BCL2: variants seen among roughly 807,000 people sequenced by gnomAD.
BCL2 encodes the protein BCL2 apoptosis regulator, also known as apoptosis regulator Bcl-2.
BCL2 carries 1 observed loss-of-function variant against 14.2 expected under a neutral mutation model. That is an observed-to-expected ratio of 0.07 (90% CI 0.02 to 0.33). BCL2 has a LOEUF of 0.33. Ranked by LOEUF, BCL2 falls within the 10% of genes least tolerant of loss-of-function variation. The pLI is 0.99. For missense variants in BCL2, 247 were observed against 305.9 expected, an observed-to-expected ratio of 0.81 and a Z score of 1.44; for synonymous variants, 151 against 137.2, an observed-to-expected ratio of 1.10 and a Z score of -0.70.
At chr18:63,255,858 AC>A (rs1344864887) in intron 2 of BCL2, among the ~76,000 whole-genome samples, 1 of 150,884 alleles carries the variant, frequency 6.6e-6, no homozygotes, top group East Asian at 1.9e-4. Context: ...AACATTTCTT[AC>A]CAAAAAAAAA....
chr18:63,142,977 C>G (rs1444845530), intron 2 of BCL2, among the ~76,000 whole-genome samples: 1 of 152,206 alleles, frequency 6.6e-6, no homozygotes, highest in African/African-American at 2.4e-5. Flanking sequence ...AAAATGCAGT[C>G]TCTGTCAGTG....
chr18:63,276,407 T>C (rs1268686165), intron 2 of BCL2, among the ~76,000 whole-genome samples: 1 of 152,308 alleles, frequency 6.6e-6, no homozygotes, highest in East Asian at 1.9e-4. Context: ...TTGGGAGTCA[T>C]TAGTGGCATT....
intron 2 of BCL2, among the ~76,000 whole-genome samples, chr18:63,302,085 A>C (rs1948988643): frequency 6.6e-6 from 1 of 151,904 alleles, no homozygotes; most frequent in African/African-American, 2.4e-5. Flanking sequence ...GCACTTTGGG[A>C]GGGAGGCCGA....
chr18:63,256,444 C>T (rs117894262), intron 2 of BCL2, among the ~76,000 whole-genome samples: 2,850 of 152,242 alleles, frequency 0.019, 39 homozygotes, highest in Non-Finnish European at 0.029. Context: ...CTTGAACTTC[C>T]GACCTCGAGT....
At chr18:63,244,311 G>C (rs141390096) in intron 2 of BCL2, among the ~76,000 whole-genome samples, 3,594 of 152,262 alleles carry the variant, frequency 0.024, 60 homozygotes, top group Non-Finnish European at 0.037. Context: ...CTGGGAGGCG[G>C]AGGTTGCAGT....
chr18:63,260,502 C>T (rs1222229283), intron 2 of BCL2, among the ~76,000 whole-genome samples: 1 of 152,228 alleles, frequency 6.6e-6, no homozygotes, highest in Non-Finnish European at 1.5e-5. Context: ...GCTGCCCTGT[C>T]CATGAGCCAG....
At chr18:63,293,997 T>C (rs1323960001) in intron 2 of BCL2, among the ~76,000 whole-genome samples, 1 of 151,946 alleles carries the variant, frequency 6.6e-6, no homozygotes, top group African/African-American at 2.4e-5. Flanking sequence ...CCTTTCCATG[T>C]GATGCACTAT....
intron 2 of BCL2, among the ~76,000 whole-genome samples, chr18:63,179,921 T>C (rs573304810): frequency 6.6e-5 from 10 of 152,228 alleles, no homozygotes; most frequent in Non-Finnish European, 1.3e-4. Context: ...ATTCTCTGAT[T>C]GATCATTCAT....
chr18:63,289,997 A>C (rs370792527), intron 2 of BCL2, among the ~76,000 whole-genome samples: 1 of 152,276 alleles, frequency 6.6e-6, no homozygotes, highest in South Asian at 2.1e-4. Context: ...CCCCTAGGGA[A>C]GAGTTAAGAA....
chr18:63,234,944 G>C (rs974615058), intron 2 of BCL2, among the ~76,000 whole-genome samples: 6 of 152,140 alleles, frequency 3.9e-5, no homozygotes, highest in African/African-American at 1.4e-4. Flanking sequence ...ATGGACAAGG[G>C]AGTGGTGTCA....
chr18:63,269,353 T>C (rs543645409), intron 2 of BCL2, among the ~76,000 whole-genome samples: 1 of 152,168 alleles, frequency 6.6e-6, no homozygotes, highest in African/African-American at 2.4e-5. Flanking sequence ...TTCCCACTTG[T>C]AGAGATTCAT....
At chr18:63,155,542 G>A (rs1481337863) in intron 2 of BCL2, among the ~76,000 whole-genome samples, 2 of 146,842 alleles carry the variant, frequency 1.4e-5, no homozygotes, top group Non-Finnish European at 2.9e-5. Flanking sequence ...CAGGGTGGGC[G>A]CGGTAAAGAG....
At position 63,291,091 on chromosome 18, in the gene BCL2, ACAGCCAAC is replaced by A. The variant is rs538083112; in HGVS notation, c.585+26983_585+26990del. 1.9e-3 allele frequency among the ~76,000 whole-genome samples: 282 copies of A among 152,332 alleles called. 1 individual carries two copies. Among genetic ancestry groups the A allele is most frequent in the African/African-American group, 6.5e-3 (270 of 41,560 alleles). On this transcript the variant is annotated intron_variant, in intron 2 of 2. Coordinates refer to ENST00000333681, the MANE Select transcript of BCL2 (RefSeq NM_000633.3). ...GCTGTTTTCCACGAATAGAAAGAAC[ACAGCCAAC>A]CCAACTGGCTCTTTGAAGGTACGCC...
At chr18:63,297,451 C>G (rs1208848673) in intron 2 of BCL2, among the ~76,000 whole-genome samples, 2 of 152,026 alleles carry the variant, frequency 1.3e-5, no homozygotes, top group East Asian at 3.9e-4. Context: ...TCAGATTGGC[C>G]ACATTACGTG....
intron 2 of BCL2, among the ~76,000 whole-genome samples, chr18:63,296,333 T>C (rs959108784): frequency 3.3e-5 from 5 of 152,138 alleles, no homozygotes; most frequent in Admixed American, 3.3e-4. Flanking sequence ...GGTCTCACTC[T>C]GTCATCCAGG....
rs147993432 is a variant in BCL2 at position 63,215,036 on chromosome 18, C to T, written c.586-86277G>A. Among the ~76,000 whole-genome samples the T allele has an allele frequency of 1.6e-3, 245 of 152,272 alleles. 1 individual carries two copies. The highest frequency in any genetic ancestry group is 5.6e-3 in the African/African-American group (231 of 41,556). On this transcript the variant is annotated intron_variant, in intron 2 of 2. Transcript: ENST00000333681. ...CTAAGGCTCATTTCTATAAATAATA[C>T]TTCCCCAGAACCCAACTCTAGAAAG...
chr18:63,227,851 G>A (rs1599257212), intron 2 of BCL2, among the ~76,000 whole-genome samples: 1 of 152,202 alleles, frequency 6.6e-6, no homozygotes, highest in East Asian at 1.9e-4. Flanking sequence ...ATACCATAGG[G>A]AAATGCTCAC....
intron 2 of BCL2, among the ~76,000 whole-genome samples, chr18:63,299,576 C>T (rs1373423799): frequency 2.0e-5 from 3 of 152,204 alleles, no homozygotes; most frequent in Non-Finnish European, 4.4e-5. Context: ...TGGCATTCCA[C>T]TGCAGGAAAG....
intron 2 of BCL2, among the ~76,000 whole-genome samples, chr18:63,285,003 G>T (rs1439751160): frequency 1.3e-5 from 2 of 152,156 alleles, no homozygotes; most frequent in Non-Finnish European, 2.9e-5. Flanking sequence ...CAGACTTGCT[G>T]CAGGCAAAAG....
Sources: allele counts gnomAD v4.1 joint callset (sites outside exome capture counted in the v4.1 genomes callset), GRCh38; gene constraint gnomAD v4.1.1; transcripts MANE v1.5; gene names NCBI Gene and HGNC (gene_info 2026-07-23, HGNC 2026-07-21).